AGPS: variants seen among roughly 807,000 people sequenced by gnomAD.
AGPS encodes alkylglycerone phosphate synthase.
Under a neutral mutation model 90.7 loss-of-function variants are expected in AGPS, and 26 were observed. The observed-to-expected ratio is 0.29, with a 90% confidence interval of 0.21 to 0.40. The LOEUF is 0.40. AGPS is among the 10% of genes least tolerant of loss of function. The pLI is 1.00. For missense variants in AGPS, 540 were observed against 816.1 expected (o/e 0.66, Z 4.12); for synonymous variants, 294 against 285.3 (o/e 1.03, Z -0.31).
At chr2:177,503,863 G>A (rs779882545) in intron 14 of AGPS, among the ~76,000 whole-genome samples, 23 of 152,078 alleles carry the variant, frequency 1.5e-4, no homozygotes, top group Non-Finnish European at 3.1e-4. Flanking sequence ...GAAAATGCAT[G>A]TTTCTCTGTG....
intron 16 of AGPS, among the ~76,000 whole-genome samples, chr2:177,511,243 G>A (rs1373139372): frequency 6.6e-6 from 1 of 151,968 alleles, no homozygotes; most frequent in Non-Finnish European, 1.5e-5. Flanking sequence ...AGGATCCCAG[G>A]TGCACGTCAC....
intron 8 of AGPS, among the ~76,000 whole-genome samples, chr2:177,450,301 G>A (rs1686900003): frequency 6.6e-6 from 1 of 152,026 alleles, no homozygotes; most frequent in African/African-American, 2.4e-5. Flanking sequence ...AAGACCAGCT[G>A]TGTTTAATTT....
chr2:177,531,831 A>C (rs1218702889), intron 19 of AGPS, among the ~76,000 whole-genome samples: 1 of 152,120 alleles, frequency 6.6e-6, no homozygotes, highest in Non-Finnish European at 1.5e-5. Context: ...ACCCAGAAAT[A>C]GAGCACACAA....
At chr2:177,424,928 GT>G (rs1356822226) in intron 2 of AGPS, among the ~76,000 whole-genome samples, 3 of 151,482 alleles carry the variant, frequency 2.0e-5, no homozygotes, top group African/African-American at 7.3e-5. Context: ...AATGGGGTTG[GT>G]TTTTTCTTGT....
At chr2:177,451,125 C>G (rs1686936555) in intron 8 of AGPS, among the ~76,000 whole-genome samples, 1 of 151,630 alleles carries the variant, frequency 6.6e-6, no homozygotes, top group Non-Finnish European at 1.5e-5. Context: ...CCATGCTTGG[C>G]TAATTTTTTA....
chr2:177,462,329 C>A (rs566841678), intron 9 of AGPS, among the ~76,000 whole-genome samples: 1 of 140,062 alleles, frequency 7.1e-6, no homozygotes, highest in South Asian at 2.3e-4. Flanking sequence ...GGAGGCAGAG[C>A]TTGCAGTGAG....
chr2:177,503,755 T>A (rs1386449483), intron 14 of AGPS, among the ~76,000 whole-genome samples: 1 of 152,136 alleles, frequency 6.6e-6, no homozygotes, highest in Non-Finnish European at 1.5e-5. Context: ...AAAAGTTCAG[T>A]CATAAGTCTA....
intron 7 of AGPS, among the ~76,000 whole-genome samples, chr2:177,445,000 TTAAAAATAAAGTAGGGATGCCATCTGCTA>T (rs1373891127): frequency 3.3e-5 from 5 of 152,206 alleles, no homozygotes; most frequent in Admixed American, 1.3e-4. Context: ...CTGTTTTGAA[TTAAAAATAAAGTAGGGATGCCATCTGCTA>T]TATTCAAATG....
chr2:177,471,175 C>T (rs1027690535), intron 10 of AGPS, among the ~76,000 whole-genome samples: 15 of 152,084 alleles, frequency 9.9e-5, no homozygotes, highest in Admixed American at 6.5e-5. Context: ...CATATTCTTA[C>T]GTAAAATGTA....
chr2:177,447,639 A>G lies in AGPS; in HGVS notation c.870+2013A>G, dbSNP rs142813596. On this transcript the variant is annotated intron_variant, in intron 8 of 19. Transcript: ENST00000264167. ...TAAAGGTTAGAATTAAAATTCAAGG[A>G]ACATATTTCCTTGAAATTTAAATGA... Among the ~76,000 whole-genome samples, 609 of 152,012 alleles carry G rather than the reference A, an allele frequency of 4.0e-3. 5 individuals carry two copies. Among genetic ancestry groups the G allele is most frequent in the East Asian group, 0.032 (166 of 5,186 alleles).
At chr2:177,440,289 A>G (rs2105635951) in intron 5 of AGPS, among the ~76,000 whole-genome samples, 1 of 152,224 alleles carries the variant, frequency 6.6e-6, no homozygotes, top group South Asian at 2.1e-4. Context: ...GGCCTAACCA[A>G]ATGCTGTATT....
chr2:177,434,997 G>T (rs868096901), intron 3 of AGPS, among the ~76,000 whole-genome samples: 6 of 128,160 alleles, frequency 4.7e-5, no homozygotes, highest in Non-Finnish European at 6.5e-5. Flanking sequence ...TAAACTGTAG[G>T]TATATATATA....
rs1688939101 is a variant in AGPS, at chr2:177,513,478, C to A, written c.1608-341C>A. Among the ~76,000 whole-genome samples, 3 of 152,152 alleles carry A rather than the reference C, an allele frequency of 2.0e-5. No individual in the cohort carries two copies. The South Asian group carries it at 6.2e-4, about 31-fold the overall frequency. On this transcript the variant is annotated intron_variant, in intron 16 of 19. Coordinates refer to ENST00000264167, the MANE Select transcript of AGPS (RefSeq NM_003659.4). ...CCTAGAATCGAATTTTCATTAACAT[C>A]TTTATAGCTTTTTTAAAGCTCTTAA...
chr2:177,448,238 A>G (rs1686834064), intron 8 of AGPS, among the ~76,000 whole-genome samples: 1 of 152,204 alleles, frequency 6.6e-6, no homozygotes, highest in South Asian at 2.1e-4. Flanking sequence ...CTTTACCTAT[A>G]AAGTGGGTAT....
intron 2 of AGPS, among the ~76,000 whole-genome samples, chr2:177,430,901 A>G (rs1246949378): frequency 6.6e-6 from 1 of 152,186 alleles, no homozygotes; most frequent in Non-Finnish European, 1.5e-5. Flanking sequence ...ATCACAAGTT[A>G]GTATATAAAT....
chr2:177,410,201 C>A (rs1349478983), intron 1 of AGPS, among the ~76,000 whole-genome samples: 1 of 152,164 alleles, frequency 6.6e-6, no homozygotes, highest in African/African-American at 2.4e-5. Context: ...GTAAGCATTT[C>A]TAATGGAGGG....
intron 11 of AGPS, among the ~76,000 whole-genome samples, chr2:177,492,838 CT>C (rs1453754050): frequency 1.1e-4 from 16 of 152,188 alleles, no homozygotes; most frequent in African/African-American, 3.9e-4. Context: ...TCTGGTATTT[CT>C]TTTAGGATAT....
intron 1 of AGPS, among the ~76,000 whole-genome samples, chr2:177,405,127 G>C (rs571368558): frequency 9.9e-5 from 15 of 152,258 alleles, no homozygotes; most frequent in East Asian, 9.6e-4. Flanking sequence ...TTTGCTGCAG[G>C]CTTCTCTAAG....
chr2:177,530,008 AGTTTT>A (rs1472569003), intron 19 of AGPS, among the ~76,000 whole-genome samples: 4 of 152,186 alleles, frequency 2.6e-5, no homozygotes, highest in Non-Finnish European at 4.4e-5. Context: ...AAAAAACAAT[AGTTTT>A]GTTTGTTTGT....
Sources: allele counts gnomAD v4.1 joint callset (sites outside exome capture counted in the v4.1 genomes callset), GRCh38; gene constraint gnomAD v4.1.1; transcripts MANE v1.5; gene names NCBI Gene and HGNC (gene_info 2026-07-23, HGNC 2026-07-21).